The following TRDN variants were observed in gnomAD, a reference collection of about 807,000 sequenced individuals.
TRDN encodes triadin, also known as triadin in skeletal muscle.
TRDN carries 161 observed loss-of-function variants against 149.7 expected under a neutral mutation model. The ratio of observed to expected loss-of-function variants is 1.08; its 90% CI spans 0.95 to 1.23. The LOEUF (loss-of-function observed/expected upper bound fraction) is 1.23, where lower values mean the gene tolerates loss of function less well. Ranked by LOEUF, TRDN falls within the 50% of genes most tolerant of loss-of-function variation. The pLI is 0.00. For synonymous variants in TRDN, 294 were observed against 250.5 expected (o/e 1.17, Z -1.64); for missense variants, 896 against 823.5 (o/e 1.09, Z -1.08).
intron 30 of TRDN, among the ~76,000 whole-genome samples, chr6:123,270,739 T>C (rs1184114696): frequency 6.6e-6 from 1 of 151,972 alleles, no homozygotes; most frequent in Admixed American, 6.6e-5. Flanking sequence ...GGAGCTTCCA[T>C]GAAAGTAAAT....
chr6:123,512,668 A>G (rs1367971899), intron 6 of TRDN, among the ~76,000 whole-genome samples: 1 of 152,204 alleles, frequency 6.6e-6, no homozygotes, highest in Non-Finnish European at 1.5e-5. Flanking sequence ...ATTTTCTATA[A>G]GAATTTGTCA....
chr6:123,543,693 GATT>G (rs1303017194), intron 4 of TRDN, among the ~76,000 whole-genome samples: 1 of 151,974 alleles, frequency 6.6e-6, no homozygotes, highest in African/African-American at 2.4e-5. Context: ...ATAATTTATA[GATT>G]ATTGTAAATG....
chr6:123,363,612 C>T (rs1448050634), intron 20 of TRDN, among the ~76,000 whole-genome samples: 1 of 152,128 alleles, frequency 6.6e-6, no homozygotes, highest in Non-Finnish European at 1.5e-5. Context: ...TAATTTATTT[C>T]CTTTCACTTC....
chr6:123,372,561 T>C (rs925510496), intron 19 of TRDN, among the ~76,000 whole-genome samples: 1 of 152,118 alleles, frequency 6.6e-6, no homozygotes, highest in Non-Finnish European at 1.5e-5. Context: ...ATGGAATACA[T>C]GATCCCAGCC....
intron 5 of TRDN, chr6:123,529,306 G>A (rs538402589): frequency 6.5e-7 from 1 of 1,548,720 alleles, no homozygotes; most frequent in East Asian, 2.4e-5. Flanking sequence ...GTGATCAAAG[G>A]AATTAAGAAC....
chr6:123,305,420 C>A (rs547344369), intron 24 of TRDN, among the ~76,000 whole-genome samples: 25 of 152,234 alleles, frequency 1.6e-4, no homozygotes, highest in African/African-American at 5.8e-4. Flanking sequence ...TAGACTAGGT[C>A]TTAAATTGTT....
intron 21 of TRDN, chr6:123,350,719 T>A (rs1172592816): frequency 1.2e-6 from 1 of 859,042 alleles, no homozygotes; most frequent in Non-Finnish European, 1.4e-6. Flanking sequence ...ATGATTGTTA[T>A]GATTGAAAAA....
intron 38 of TRDN, among the ~76,000 whole-genome samples, chr6:123,229,660 A>T (rs1358798604): frequency 6.6e-6 from 1 of 151,864 alleles, no homozygotes; most frequent in East Asian, 1.9e-4. Context: ...TGGTTCTATG[A>T]GGTTGAAGAC....
chr6:123,368,925 C>T (rs1023171027), intron 19 of TRDN, among the ~76,000 whole-genome samples: 3 of 152,162 alleles, frequency 2.0e-5, no homozygotes, highest in South Asian at 2.1e-4. Context: ...AAATCACTCA[C>T]GTATTTTCTG....
chr6:123,473,420 G>A (rs1035310823), intron 9 of TRDN, among the ~76,000 whole-genome samples: 12 of 151,714 alleles, frequency 7.9e-5, no homozygotes, highest in African/African-American at 2.9e-4. Context: ...AGTGAGCAAA[G>A]CCTCCAAGAA....
intron 10 of TRDN, among the ~76,000 whole-genome samples, chr6:123,463,677 T>C (rs1195995392): frequency 1.3e-5 from 2 of 152,134 alleles, no homozygotes; most frequent in Non-Finnish European, 1.5e-5. Context: ...TTTTGGCGAG[T>C]GAGATAGTTT....
At chr6:123,264,973 T>C (rs1326115440) in intron 33 of TRDN, among the ~76,000 whole-genome samples, 1 of 152,058 alleles carries the variant, frequency 6.6e-6, no homozygotes, top group Non-Finnish European at 1.5e-5. Flanking sequence ...TGTGATTTAT[T>C]GTGGTGGTCT....
chr6:123,455,226 GTTAA>G (rs1776039334), intron 10 of TRDN, among the ~76,000 whole-genome samples: 1 of 152,088 alleles, frequency 6.6e-6, no homozygotes, highest in Non-Finnish European at 1.5e-5. Flanking sequence ...ATGTTTCTAT[GTTAA>G]TTAAACTTAG....
chr6:123,229,684 A>G (rs1775523625), intron 38 of TRDN, among the ~76,000 whole-genome samples: 1 of 151,916 alleles, frequency 6.6e-6, no homozygotes, highest in Non-Finnish European at 1.5e-5. Flanking sequence ...GATGATTTAA[A>G]GACTTGATCT....
intron 12 of TRDN, among the ~76,000 whole-genome samples, chr6:123,395,162 A>C (rs1272810588): frequency 6.6e-6 from 1 of 152,182 alleles, no homozygotes; most frequent in Non-Finnish European, 1.5e-5. Flanking sequence ...GTACCTTAGA[A>C]TTTGTAGAAA....
At chr6:123,522,517 CTTTTTTTTT>C (rs375665403) in intron 5 of TRDN, among the ~76,000 whole-genome samples, 1 of 87,224 alleles carries the variant, frequency 1.1e-5, no homozygotes, top group African/African-American at 4.9e-5. Context: ...TGCGGTTCCT[CTTTTTTTTT>C]TTTTTTTTTT....
At chr6:123,546,634 C>T (rs1459662332) in intron 4 of TRDN, among the ~76,000 whole-genome samples, 1 of 152,024 alleles carries the variant, frequency 6.6e-6, no homozygotes, top group African/African-American at 2.4e-5. Context: ...TCCCCAGTGC[C>T]CCTTCCAGAT....
At chr6:123,611,053 T>A (rs538424039) in intron 1 of TRDN, among the ~76,000 whole-genome samples, 1 of 152,212 alleles carries the variant, frequency 6.6e-6, no homozygotes, top group Non-Finnish European at 1.5e-5. Context: ...AAGGGCCCAA[T>A]AAGCTGAATC....
chr6:123,502,194 A>C, intron 8 of TRDN: 1 of 984,082 alleles, frequency 1.0e-6, no homozygotes, highest in Non-Finnish European at 1.2e-6. Context: ...ATACCAGTGA[A>C]TCCAAAGATT....
Sources: gnomAD v4.1 joint callset for allele counts (sites outside exome capture counted in the v4.1 genomes callset) on GRCh38, gnomAD v4.1.1 for gene constraint, MANE v1.5 for transcripts, NCBI Gene and HGNC (gene_info 2026-07-23, HGNC 2026-07-21) for gene names.